Variants in ERC1 observed in about 807,000 individuals in gnomAD.
The protein encoded by ERC1 is ELKS/RAB6-interacting/CAST family member 1, also known as RAB6 interacting protein 2.
Under a neutral mutation model 132.0 loss-of-function variants are expected in ERC1, and 56 were observed. That is an observed-to-expected ratio of 0.42 (90% CI 0.34 to 0.53). The LOEUF (loss-of-function observed/expected upper bound fraction) is 0.53. Ranked by LOEUF, ERC1 falls within the 20% of genes least tolerant of loss-of-function variation. ERC1 has a pLI of 0.03. For missense variants in ERC1, 1,202 were observed against 1,349.9 expected, an observed-to-expected ratio of 0.89 and a Z score of 1.72; for synonymous variants, 478 against 476.1, an observed-to-expected ratio of 1.00 and a Z score of -0.05.
chr12:1,424,859 T>TCG (rs2092575574), intron 17 of ERC1, among the ~76,000 whole-genome samples: 2 of 117,470 alleles, frequency 1.7e-5, no homozygotes, highest in Non-Finnish European at 1.7e-5. Flanking sequence ...GATAGATAGA[T>TCG]AGATCGATAG....
chr12:1,167,841 T>A (rs537067470), intron 8 of ERC1, among the ~76,000 whole-genome samples: 1 of 151,766 alleles, frequency 6.6e-6, no homozygotes, highest in South Asian at 2.1e-4. Context: ...CTCAGCCTCC[T>A]TAGTACTCGG....
At chr12:1,363,294 A>G (rs1182595906) in intron 15 of ERC1, among the ~76,000 whole-genome samples, 1 of 152,148 alleles carries the variant, frequency 6.6e-6, no homozygotes, top group Non-Finnish European at 1.5e-5. Context: ...GCACAGTAAA[A>G]CTAAGTCTTC....
At chr12:1,082,345 G>T (rs1389506189) in intron 2 of ERC1, among the ~76,000 whole-genome samples, 1 of 151,806 alleles carries the variant, frequency 6.6e-6, no homozygotes, top group Non-Finnish European at 1.5e-5. Context: ...ATTTTTAGTA[G>T]AGATGGGGTT....
chr12:1,429,245 A>G (rs1389705289), intron 17 of ERC1, among the ~76,000 whole-genome samples: 1 of 152,240 alleles, frequency 6.6e-6, no homozygotes, highest in Non-Finnish European at 1.5e-5. Flanking sequence ...TGTGAATATG[A>G]AATAAGTTAT....
At chr12:1,044,403 T>A (rs1970759273) in intron 2 of ERC1, among the ~76,000 whole-genome samples, 2 of 152,208 alleles carry the variant, frequency 1.3e-5, no homozygotes, top group African/African-American at 4.8e-5. Flanking sequence ...GAGAAATACA[T>A]GACTAATGAA....
chr12:1,010,677 A>T (rs1410476344), intron 1 of ERC1, among the ~76,000 whole-genome samples: 2 of 149,880 alleles, frequency 1.3e-5, no homozygotes, highest in Non-Finnish European at 3.0e-5. Context: ...CACCTGGCTA[A>T]TTTTTTTTTA....
rs542872480 is a variant in ERC1 at position 1,303,375 on chromosome 12, G to A, written c.2780+13363G>A. ...TTACCGGCCGGGCGCCGTGGCTCAC[G>A]CCTGTAATCCCAGCACTTTGGGAGG... On this transcript the variant is annotated intron_variant, in intron 15 of 18. Transcript: ENST00000360905. Among the ~76,000 whole-genome samples the A allele has an allele frequency of 3.2e-4, 49 of 152,282 alleles. 1 individual carries two copies. Among genetic ancestry groups the A allele is most frequent in the African/African-American group, 1.2e-3 (48 of 41,550 alleles).
chr12:1,373,857 A>T (rs1000663848), intron 16 of ERC1, among the ~76,000 whole-genome samples: 1 of 152,232 alleles, frequency 6.6e-6, no homozygotes, highest in African/African-American at 2.4e-5. Flanking sequence ...GGAAGTAGCT[A>T]AACAATTCTC....
intron 8 of ERC1, among the ~76,000 whole-genome samples, chr12:1,150,191 G>A (rs545900937): frequency 6.6e-6 from 1 of 152,322 alleles, no homozygotes; most frequent in Admixed American, 6.5e-5. Context: ...AAGGAACTCA[G>A]ATGCAGTTTA....
At chr12:1,448,599 T>G (rs995746329) in intron 18 of ERC1, among the ~76,000 whole-genome samples, 1 of 152,272 alleles carries the variant, frequency 6.6e-6, no homozygotes, top group African/African-American at 2.4e-5. Flanking sequence ...TTTTGTAGTT[T>G]TGTTTTTGTG....
chr12:1,342,672 G>A (rs556372212), intron 15 of ERC1, among the ~76,000 whole-genome samples: 11 of 152,200 alleles, frequency 7.2e-5, no homozygotes, highest in South Asian at 6.2e-4. Flanking sequence ...AGCGTTGCGC[G>A]TATTCTTAGT....
chr12:1,079,012 G>A (rs1233797202), intron 2 of ERC1, among the ~76,000 whole-genome samples: 1 of 151,424 alleles, frequency 6.6e-6, no homozygotes, highest in Admixed American at 6.6e-5. Flanking sequence ...ATGACAAGTC[G>A]ATATACAGAG....
chr12:1,056,705 A>G (rs1973037373), intron 2 of ERC1, among the ~76,000 whole-genome samples: 1 of 152,188 alleles, frequency 6.6e-6, no homozygotes, highest in African/African-American at 2.4e-5. Context: ...TGACAAAGAA[A>G]AGGGAAGGTG....
intron 16 of ERC1, among the ~76,000 whole-genome samples, chr12:1,407,204 G>A (rs1054938987): frequency 2.0e-5 from 3 of 152,028 alleles, no homozygotes; most frequent in Non-Finnish European, 4.4e-5. Context: ...TTAGGGTTGA[G>A]GAGAAGGATT....
At chr12:1,296,299 G>A (rs2079927195) in intron 15 of ERC1, among the ~76,000 whole-genome samples, 1 of 151,556 alleles carries the variant, frequency 6.6e-6, no homozygotes, top group African/African-American at 2.4e-5. Context: ...GCATACTCCG[G>A]CCTGGGCAAC....
chr12:1,391,004 T>A (rs2089912681), intron 16 of ERC1: 1 of 152,240 alleles, frequency 6.6e-6, no homozygotes, highest in African/African-American at 2.4e-5. Flanking sequence ...AGCTGATCAG[T>A]TGCTGCCTAA....
rs544571034 is a variant in ERC1, at chr12:1,016,462, G to A, written c.-156-11286G>A. Among the ~76,000 whole-genome samples, 85 of 152,226 alleles carry A rather than the reference G, an allele frequency of 5.6e-4. 1 individual carries two copies. The highest frequency in any genetic ancestry group is 1.1e-3 in the Non-Finnish European group (72 of 68,018). ...CTGTCTGCAGTTGCATGTTATGCTC[G>A]TAGCTATTTGTGGGAAGAGTGAGAA... On this transcript the variant is annotated intron_variant, in intron 1 of 18. Transcript: ENST00000360905.
chr12:1,394,942 T>A (rs1260136585), intron 16 of ERC1, among the ~76,000 whole-genome samples: 1 of 152,212 alleles, frequency 6.6e-6, no homozygotes, highest in Admixed American at 6.5e-5. Flanking sequence ...GTTCACTGAT[T>A]TTTAGAATAA....
chr12:1,119,060 G>A (rs1022586439), intron 7 of ERC1, among the ~76,000 whole-genome samples: 4 of 151,920 alleles, frequency 2.6e-5, no homozygotes, highest in Non-Finnish European at 5.9e-5. Flanking sequence ...AAAACTTTTT[G>A]CAGAGACAGA....
Sources: gnomAD v4.1 joint callset for allele counts (sites outside exome capture counted in the v4.1 genomes callset) on GRCh38, gnomAD v4.1.1 for gene constraint, MANE v1.5 for transcripts, NCBI Gene and HGNC (gene_info 2026-07-23, HGNC 2026-07-21) for gene names.